SLC1A1: variants seen among roughly 807,000 people sequenced by gnomAD.
SLC1A1 encodes solute carrier family 1 member 1.
In SLC1A1, 43 loss-of-function variants were observed where a neutral mutation model predicts 53.3. The ratio of observed to expected loss-of-function variants is 0.81; its 90% CI spans 0.63 to 1.04. The LOEUF is 1.04. SLC1A1 is among the 50% of genes least tolerant of loss of function. The pLI is 0.00. For missense variants in SLC1A1, 748 were observed against 664.9 expected (o/e 1.12, Z -1.37); for synonymous variants, 307 against 243.2 (o/e 1.26, Z -2.44).
chr9:4,493,525 A>T (rs1043265390), intron 1 of SLC1A1, among the ~76,000 whole-genome samples: 3 of 152,236 alleles, frequency 2.0e-5, no homozygotes, highest in African/African-American at 7.2e-5. Context: ...ACTTTTCAGC[A>T]TGTGGAACTT....
chr9:4,520,712 G>A (rs1413749034), intron 1 of SLC1A1, among the ~76,000 whole-genome samples: 1 of 152,208 alleles, frequency 6.6e-6, no homozygotes, highest in East Asian at 1.9e-4. Flanking sequence ...TAGGAATAAT[G>A]TTGTTGTGAA....
At chr9:4,576,304 T>C (rs1474777250) in intron 9 of SLC1A1, among the ~76,000 whole-genome samples, 181 bp downstream of exon 9, 1 of 152,262 alleles carries the variant, frequency 6.6e-6, no homozygotes, top group Non-Finnish European at 1.5e-5. Flanking sequence ...TCCTGCTCTC[T>C]TGGCATGACC....
At chr9:4,534,117 A>G (rs1002793248) in intron 1 of SLC1A1, among the ~76,000 whole-genome samples, 1 of 152,218 alleles carries the variant, frequency 6.6e-6, no homozygotes, top group African/African-American at 2.4e-5. Flanking sequence ...GGAAAGATCT[A>G]AAACTGACAC....
rs1257974318 is a variant in SLC1A1 at position 4,518,704 on chromosome 9, G to A, written c.92-25863G>A. Among the ~76,000 whole-genome samples the A allele has an allele frequency of 5.3e-5, 8 of 152,070 alleles. No homozygotes were observed. In the South Asian group the frequency reaches 1.2e-3, roughly 24 times the overall value. On this transcript the variant is annotated intron_variant, in intron 1 of 11. Coordinates refer to ENST00000262352, the MANE Select transcript of SLC1A1 (RefSeq NM_004170.6). ...CTATCAGTCCCATTCTGTCCATCAA[G>A]GTAGAGTGAAAAATATCAGGTCACT...
At chr9:4,494,011 G>T (rs900384155) in intron 1 of SLC1A1, among the ~76,000 whole-genome samples, 1 of 152,162 alleles carries the variant, frequency 6.6e-6, no homozygotes, top group African/African-American at 2.4e-5. Context: ...TCAATAGTTA[G>T]GTGACCATCT....
At chr9:4,557,477 C>T (rs563598772) in intron 2 of SLC1A1, among the ~76,000 whole-genome samples, 1 of 152,226 alleles carries the variant, frequency 6.6e-6, no homozygotes, top group Admixed American at 6.5e-5. Context: ...CCACGTGTGG[C>T]TACTTAAATT....
rs191337791 is a variant in SLC1A1, at chr9:4,534,141, T to A, written c.92-10426T>A. The stretch of plus-strand genomic sequence containing the variant: ...TAAAACTGACACCCTAACATCACAA[T>A]TAAAAGAACTAGAGAGGCAAGAGCA... On this transcript the variant is annotated intron_variant, in intron 1 of 11. Transcript: ENST00000262352. Among the ~76,000 whole-genome samples, 665 of 151,992 alleles carry A rather than the reference T, an allele frequency of 4.4e-3. 3 individuals are homozygous for A. Among genetic ancestry groups the A allele is most frequent in the South Asian group, 0.032 (153 of 4,794 alleles).
At chr9:4,521,449 G>C (rs753725055) in intron 1 of SLC1A1, among the ~76,000 whole-genome samples, 77 of 152,258 alleles carry the variant, frequency 5.1e-4, no homozygotes, top group Non-Finnish European at 8.8e-4. Context: ...GGTCACATCT[G>C]GTATAGTAGA....
intron 1 of SLC1A1, among the ~76,000 whole-genome samples, chr9:4,526,345 A>G (rs1306829498): frequency 6.6e-6 from 1 of 152,024 alleles, no homozygotes; most frequent in Non-Finnish European, 1.5e-5. Context: ...ATTAATATTA[A>G]TAAATCTCAA....
At chr9:4,573,713 C>A (rs978114636) in intron 7 of SLC1A1, among the ~76,000 whole-genome samples, 194 bp from the exon 8 acceptor site, 5 of 152,120 alleles carry the variant, frequency 3.3e-5, no homozygotes, top group African/African-American at 1.2e-4. Flanking sequence ...AAGGTGCACA[C>A]AGGTACTAAA....
intron 10 of SLC1A1, among the ~76,000 whole-genome samples, chr9:4,582,473 T>C (rs1821189594): frequency 6.6e-6 from 1 of 152,194 alleles, no homozygotes; most frequent in African/African-American, 2.4e-5. Flanking sequence ...TGCTTAACCA[T>C]TGTCTCATTC....
intron 5 of SLC1A1, among the ~76,000 whole-genome samples, 186 bp from the exon 6 acceptor site, chr9:4,567,483 G>A (rs1692407314): frequency 6.6e-6 from 1 of 152,096 alleles, no homozygotes; most frequent in South Asian, 2.1e-4. Flanking sequence ...TTAAATTTCT[G>A]CCTCGCTTTT....
intron 1 of SLC1A1, among the ~76,000 whole-genome samples, chr9:4,507,304 C>G (rs995159538): frequency 3.9e-5 from 6 of 152,028 alleles, no homozygotes; most frequent in African/African-American, 1.2e-4. Flanking sequence ...AAAGATTATA[C>G]TCACCATGTT....
At chr9:4,495,646 G>C (rs1820388033) in intron 1 of SLC1A1, among the ~76,000 whole-genome samples, 1 of 152,076 alleles carries the variant, frequency 6.6e-6, no homozygotes, top group Non-Finnish European at 1.5e-5. Context: ...GAAACATCAA[G>C]GAGTAGAATG....
At chr9:4,499,558 G>GTATA (rs1161928723) in intron 1 of SLC1A1, among the ~76,000 whole-genome samples, 4 of 150,536 alleles carry the variant, frequency 2.7e-5, no homozygotes, top group Admixed American at 1.3e-4. Flanking sequence ...TCTATGCAAG[G>GTATA]TATATATGAC....
At chr9:4,542,906 T>C (rs1817142007) in intron 1 of SLC1A1, among the ~76,000 whole-genome samples, 1 of 152,214 alleles carries the variant, frequency 6.6e-6, no homozygotes, top group Admixed American at 6.5e-5. Flanking sequence ...GAAATGTTTA[T>C]ATGTTTGTTC....
intron 8 of SLC1A1, among the ~76,000 whole-genome samples, 182 bp downstream of exon 8, chr9:4,574,196 A>G (rs1820334743): frequency 6.6e-6 from 1 of 152,218 alleles, no homozygotes; most frequent in Non-Finnish European, 1.5e-5. Flanking sequence ...TAGGTGGATC[A>G]TGCTGTGCTA....
intron 1 of SLC1A1, among the ~76,000 whole-genome samples, chr9:4,526,755 G>C (rs1816275436): frequency 6.6e-6 from 1 of 152,004 alleles, no homozygotes; most frequent in Admixed American, 6.6e-5. Flanking sequence ...TGTTGCATGA[G>C]GTTTTTACTC....
chr9:4,521,752 C>A (rs1403383067), intron 1 of SLC1A1, among the ~76,000 whole-genome samples: 1 of 152,168 alleles, frequency 6.6e-6, no homozygotes, highest in African/African-American at 2.4e-5. Flanking sequence ...GAGCCTCACA[C>A]TGAGGCAGAA....
Sources: allele counts gnomAD v4.1 joint callset (sites outside exome capture counted in the v4.1 genomes callset), GRCh38; gene constraint gnomAD v4.1.1; transcripts MANE v1.5; gene names NCBI Gene and HGNC (gene_info 2026-07-23, HGNC 2026-07-21).